SORCS3: variants seen among roughly 807,000 people sequenced by gnomAD.
The protein encoded by SORCS3 is VPS10 domain-containing receptor SorCS3.
Under a neutral mutation model 146.3 loss-of-function variants are expected in SORCS3, and 57 were observed. The observed-to-expected ratio is 0.39, with a 90% CI of 0.31 to 0.49. The LOEUF (loss-of-function observed/expected upper bound fraction) is 0.49, where lower values mean the gene tolerates loss of function less well. SORCS3 is among the 20% of genes least tolerant of loss of function. SORCS3 has a pLI of 0.92. For synonymous variants in SORCS3, 653 were observed against 618.5 expected, an observed-to-expected ratio of 1.06 and a Z score of -0.83; for missense variants, 1,341 against 1,575.5, an observed-to-expected ratio of 0.85 and a Z score of 2.52.
chr10:104,995,145 CT>C (rs1404827102), intron 4 of SORCS3, among the ~76,000 whole-genome samples: 1 of 147,178 alleles, frequency 6.8e-6, no homozygotes, highest in Non-Finnish European at 1.5e-5. Flanking sequence ...TTTTTCTTTT[CT>C]TTTCTTTCTT....
intron 4 of SORCS3, among the ~76,000 whole-genome samples, chr10:104,991,501 TC>T (rs199823120): frequency 0.02 from 2,978 of 148,490 alleles, 112 homozygotes; most frequent in African/African-American, 0.061. Flanking sequence ...TTCCTCTTCT[TC>T]CTTTTTTTTT....
At chr10:105,046,624 T>C (rs1389434213) in intron 5 of SORCS3, among the ~76,000 whole-genome samples, 3 of 152,138 alleles carry the variant, frequency 2.0e-5, no homozygotes, top group Non-Finnish European at 4.4e-5. Flanking sequence ...CCACCCTTCT[T>C]GTGGGTTAGG....
intron 6 of SORCS3, among the ~76,000 whole-genome samples, chr10:105,103,455 G>A (rs2055800290): frequency 6.6e-6 from 1 of 152,172 alleles, no homozygotes; most frequent in Non-Finnish European, 1.5e-5. Context: ...GATGCCTTTG[G>A]CTACTTGTTT....
chr10:104,750,055 A>AAG (rs1346845030), intron 1 of SORCS3, among the ~76,000 whole-genome samples: 2 of 152,224 alleles, frequency 1.3e-5, no homozygotes, highest in Non-Finnish European at 2.9e-5. Context: ...AACATGTGCA[A>AAG]AGACAAGGTG....
chr10:105,174,706 C>T (rs916114883), intron 13 of SORCS3, among the ~76,000 whole-genome samples: 2 of 152,084 alleles, frequency 1.3e-5, no homozygotes, highest in African/African-American at 4.8e-5. Flanking sequence ...TCTACCTGGA[C>T]GTTGTTGTTT....
intron 2 of SORCS3, among the ~76,000 whole-genome samples, chr10:104,867,208 GGA>G (rs2018469228): frequency 6.6e-6 from 1 of 151,824 alleles, no homozygotes; most frequent in Non-Finnish European, 1.5e-5. Context: ...GGAGAGGAGA[GGA>G]GAGGAGAGGA....
chr10:104,769,298 G>A (rs2017219383), intron 1 of SORCS3, among the ~76,000 whole-genome samples: 1 of 152,194 alleles, frequency 6.6e-6, no homozygotes, highest in Middle Eastern at 3.2e-3. Flanking sequence ...CCAGGGTGAG[G>A]CCACTTCACA....
Position 105,145,852 on chromosome 10 carries a change from G to C in SORCS3, c.1303-1765G>C, listed in dbSNP as rs184136303. 3.3e-5 allele frequency among the ~76,000 whole-genome samples: 5 copies of C among 152,108 alleles called. No individual in the cohort carries two copies. In the Middle Eastern group the frequency reaches 0.01, roughly 310 times the overall value. ...AAAGAATCTTCAATAAAAAGATCCA[G>C]AACTTGCTTTTCTACTTCTCTCATC... is the stretch of plus-strand genomic sequence containing the variant. On this transcript the variant is annotated intron_variant, in intron 8 of 26. Coordinates refer to ENST00000369701, the MANE Select transcript of SORCS3 (RefSeq NM_014978.3).
chr10:105,072,842 G>GAAA, intron 5 of SORCS3, among the ~76,000 whole-genome samples: 1 of 152,162 alleles, frequency 6.6e-6, no homozygotes, highest in East Asian at 1.9e-4. Flanking sequence ...AAGGACTGAT[G>GAAA]ATCCCTTGGG....
In SORCS3 at chr10:104,897,965, G is replaced by A. The variant is rs562216100; in HGVS notation, c.696-17868G>A. ...TTCTAGTGGAGGTGGGAAATAGAGC[G>A]TTAAATCTCCATGATTGCACATCTG... is the stretch of plus-strand genomic sequence containing the variant. On this transcript the variant is annotated intron_variant, in intron 2 of 26. Transcript: ENST00000369701. Among the ~76,000 whole-genome samples the A allele has an allele frequency of 2.9e-3, 446 of 152,292 alleles. 2 individuals carry two copies. The highest frequency in any genetic ancestry group is 0.018 in the South Asian group (87 of 4,830).
chr10:105,236,931 A>ATCT (rs2056796010), intron 20 of SORCS3, among the ~76,000 whole-genome samples: 2 of 152,036 alleles, frequency 1.3e-5, no homozygotes, highest in Non-Finnish European at 2.9e-5. Flanking sequence ...TCAAGCAATC[A>ATCT]ATCTATCTAT....
At chr10:105,200,936 C>T (rs1460363043) in intron 15 of SORCS3, among the ~76,000 whole-genome samples, 184 bp from the exon 16 acceptor site, 2 of 152,024 alleles carry the variant, frequency 1.3e-5, no homozygotes, top group Non-Finnish European at 2.9e-5. Flanking sequence ...CATAATGTTC[C>T]TTTTATGTGG....
chr10:105,015,975 C>T (rs139313537), intron 4 of SORCS3, among the ~76,000 whole-genome samples: 4,639 of 151,230 alleles, frequency 0.031, 111 homozygotes, highest in Middle Eastern at 0.075. Flanking sequence ...TGATCTGCCC[C>T]CCTCAGCCTC....
chr10:104,845,413 A>G (rs2018192702), intron 2 of SORCS3, among the ~76,000 whole-genome samples: 1 of 152,258 alleles, frequency 6.6e-6, no homozygotes, highest in South Asian at 2.1e-4. Context: ...GAATAAATTA[A>G]TGAATGGGCT....
At chr10:105,118,775 G>A (rs1221696661) in intron 7 of SORCS3, among the ~76,000 whole-genome samples, 2 of 152,190 alleles carry the variant, frequency 1.3e-5, no homozygotes, top group Admixed American at 1.3e-4. Flanking sequence ...TTGCCCTGGA[G>A]ATCTGTGGAA....
At chr10:104,751,924 C>CATATATAT (rs71482435) in intron 1 of SORCS3, among the ~76,000 whole-genome samples, 915 of 38,246 alleles carry the variant, frequency 0.024, 98 homozygotes, top group East Asian at 0.04. Context: ...TAATAGGAAG[C>CATATATAT]ATATATATAT....
chr10:105,147,706 A>G lies in SORCS3; in HGVS notation c.1392A>G (p.Ser464=), dbSNP rs1392665818. The change falls in exon 9 of 27, where the codon TCA becomes TCG. Residue 464 remains serine, a synonymous_variant. Transcript: ENST00000369701. ...ACGACACGTACAACCTCTACATCTC[A>G]GACACGCGTGGGATTTACTTCACTC... The part of the protein sequence containing the change: ...NQNDTYNLYI[S]DTRGIYFTLA... 1 of 1,611,270 alleles carries G rather than the reference A, an allele frequency of 6.2e-7. No individual in the cohort carries two copies. The highest frequency in any genetic ancestry group is 8.5e-7 in the Non-Finnish European group (1 of 1,177,724).
rs1294006599 is a variant in SORCS3 at position 104,641,647 on chromosome 10, G to T, written c.320G>T (p.Gly107Val). The change falls in exon 1 of 27, where the codon GGG (glycine) becomes GTG (valine). Residue 107 changes from glycine to valine, a missense_variant. By Grantham distance (109) the Gly-to-Val change is moderately radical. Transcript: ENST00000369701. This position sits in a 1 kb window ranked among gnomAD's most constrained non-coding sequence, Gnocchi z 6.4. ...GGTGAGATGCAGGTGGAAGCCGGAG[G>T]GACATCACCGGCAGGCGAGCGGCGG... ...RGGEMQVEAG[G>V]TSPAGERRGR... 118 of 1,527,158 alleles carry T rather than the reference G, an allele frequency of 7.7e-5. No homozygotes were observed. The highest frequency in any genetic ancestry group is 9.9e-5 in the Non-Finnish European group (113 of 1,142,332). 94.6% of individuals were successfully genotyped at this position (1,527,158 alleles called of 1,614,324 possible).
At chr10:104,793,504 A>G (rs776314878) in intron 1 of SORCS3, among the ~76,000 whole-genome samples, 44 of 152,192 alleles carry the variant, frequency 2.9e-4, no homozygotes, top group Non-Finnish European at 5.0e-4. Flanking sequence ...GGTCTGTGGT[A>G]TTACAATATT....
Sources: gnomAD v4.1 joint callset for allele counts (sites outside exome capture counted in the v4.1 genomes callset) on GRCh38, gnomAD v4.1.1 for gene constraint, Gnocchi (gnomAD v3.1) non-coding constraint, MANE v1.5 for transcripts, NCBI Gene and HGNC (gene_info 2026-07-23, HGNC 2026-07-21) for gene names.